GATAD2A: variants seen among roughly 807,000 people sequenced by gnomAD.
The protein encoded by GATAD2A is transcriptional repressor p66-alpha.
GATAD2A carries 12 observed loss-of-function variants against 68.5 expected under a neutral mutation model. The ratio of observed to expected loss-of-function variants is 0.18; its 90% CI spans 0.11 to 0.28. The LOEUF (loss-of-function observed/expected upper bound fraction) is 0.28, where lower values mean the gene tolerates loss of function less well. Ranked by LOEUF, GATAD2A falls within the 10% of genes least tolerant of loss-of-function variation. GATAD2A has a pLI of 1.00. For missense variants in GATAD2A, 755 were observed against 868.5 expected, an observed-to-expected ratio of 0.87 and a Z score of 1.64; for synonymous variants, 410 against 375.3, an observed-to-expected ratio of 1.09 and a Z score of -1.07.
intron 2 of GATAD2A, among the ~76,000 whole-genome samples, chr19:19,489,530 G>A (rs779593882): frequency 1.6e-4 from 25 of 152,234 alleles, no homozygotes; most frequent in Non-Finnish European, 3.4e-4. Context: ...GATGGGTGGT[G>A]ACATCATCTC....
At chr19:19,389,135 C>A (rs963696863) in intron 1 of GATAD2A, among the ~76,000 whole-genome samples, 4 of 151,962 alleles carry the variant, frequency 2.6e-5, no homozygotes, top group African/African-American at 9.7e-5. Context: ...ATCTGCTTTG[C>A]CAAATGCAGA....
At chr19:19,444,598 C>A (rs892985329) in intron 1 of GATAD2A, among the ~76,000 whole-genome samples, 2 of 152,138 alleles carry the variant, frequency 1.3e-5, no homozygotes, top group African/African-American at 4.8e-5. Context: ...GTAAAACCAC[C>A]GTGTATGATG....
At chr19:19,453,176 C>G (rs752027420) in intron 1 of GATAD2A, among the ~76,000 whole-genome samples, 1 of 152,200 alleles carries the variant, frequency 6.6e-6, no homozygotes, top group Non-Finnish European at 1.5e-5. Context: ...TTATGCCCCT[C>G]AGGTCCTTCT....
At chr19:19,444,068 G>C (rs193173041) in intron 1 of GATAD2A, among the ~76,000 whole-genome samples, 226 of 152,244 alleles carry the variant, frequency 1.5e-3, no homozygotes, top group Admixed American at 2.3e-3. Context: ...TGAGGCCCTT[G>C]TGGGTGAATC....
At chr19:19,445,128 G>A (rs2055563158) in intron 1 of GATAD2A, among the ~76,000 whole-genome samples, 1 of 152,098 alleles carries the variant, frequency 6.6e-6, no homozygotes, top group Admixed American at 6.5e-5. Flanking sequence ...GTGTACAGTG[G>A]GCTTGCTGCA....
intron 1 of GATAD2A, among the ~76,000 whole-genome samples, chr19:19,395,104 G>T (rs1225939391): frequency 6.6e-6 from 1 of 152,202 alleles, no homozygotes; most frequent in Non-Finnish European, 1.5e-5. Context: ...GCTCCCTCCT[G>T]ACTTCCTGTT....
intron 1 of GATAD2A, among the ~76,000 whole-genome samples, chr19:19,456,843 C>G (rs2056983607): frequency 6.6e-6 from 1 of 152,226 alleles, no homozygotes; most frequent in Non-Finnish European, 1.5e-5. Context: ...ATGGGGCCTT[C>G]TGATGGCTGA....
At chr19:19,406,473 G>C (rs936804287) in intron 1 of GATAD2A, among the ~76,000 whole-genome samples, 4 of 151,966 alleles carry the variant, frequency 2.6e-5, no homozygotes, top group Non-Finnish European at 5.9e-5. Context: ...GGCGGCGGCG[G>C]CGGCGGATCC....
At chr19:19,390,528 C>G (rs1004287203) in intron 1 of GATAD2A, among the ~76,000 whole-genome samples, 1 of 152,190 alleles carries the variant, frequency 6.6e-6, no homozygotes, top group Admixed American at 6.6e-5. Context: ...GTTCTGATAC[C>G]AGATGTGAGA....
In GATAD2A at chr19:19,421,512, G is replaced by A. The variant is rs1050291053; in HGVS notation, c.-7+15493G>A. Among the ~76,000 whole-genome samples, 7 of 152,298 alleles carry A rather than the reference G, an allele frequency of 4.6e-5. No homozygotes were observed. The South Asian group carries it at 1.2e-3, about 27-fold the overall frequency. ...GGACCCTGACCACACTGAGAGCAGC[G>A]CGCTTCTCTGGGTTGGATGGCTGGG... On this transcript the variant is annotated intron_variant, in intron 1 of 11. Coordinates refer to ENST00000683918, the MANE Select transcript of GATAD2A (RefSeq NM_001384528.1).
intron 2 of GATAD2A, among the ~76,000 whole-genome samples, chr19:19,481,474 G>T (rs974800157): frequency 5.3e-5 from 8 of 152,170 alleles, no homozygotes; most frequent in Non-Finnish European, 1.0e-4. Flanking sequence ...GGGACTACAG[G>T]TGCTTGCCAC....
intron 1 of GATAD2A, among the ~76,000 whole-genome samples, chr19:19,420,873 G>A (rs2052339731): frequency 6.6e-6 from 1 of 152,192 alleles, no homozygotes; most frequent in Non-Finnish European, 1.5e-5. Flanking sequence ...CATGTAACGT[G>A]TTGGCACATT....
chr19:19,415,210 T>C (rs1214720187), intron 1 of GATAD2A, among the ~76,000 whole-genome samples: 1 of 150,934 alleles, frequency 6.6e-6, no homozygotes, highest in East Asian at 2.0e-4. Context: ...TAGAGTGCAA[T>C]GGCATGATCT....
upstream of GATAD2A, chr19:19,402,667 G>A (rs1343912136): frequency 6.8e-6 from 1 of 146,340 alleles, no homozygotes; most frequent in African/African-American, 2.5e-5. Flanking sequence ...CCAGCCTGGT[G>A]ACAGAGCAAG....
chr19:19,461,916 G>A (rs990140986), intron 1 of GATAD2A, among the ~76,000 whole-genome samples: 9 of 151,802 alleles, frequency 5.9e-5, no homozygotes, highest in African/African-American at 2.2e-4. Flanking sequence ...GGCAGCAGCC[G>A]GCAGAGGATC....
chr19:19,414,983 T>C (rs2965185), intron 1 of GATAD2A, among the ~76,000 whole-genome samples: 57,674 of 150,006 alleles, frequency 0.38, 12,939 homozygotes, highest in African/African-American at 0.62. Context: ...TGGCCAAGTG[T>C]AGTGGCTCAG....
At chr19:19,469,806 G>A (rs1032411306) in intron 2 of GATAD2A, among the ~76,000 whole-genome samples, 1 of 152,134 alleles carries the variant, frequency 6.6e-6, no homozygotes, top group Non-Finnish European at 1.5e-5. Context: ...AATTAGCCAG[G>A]CGTGGTGGCA....
chr19:19,490,790 C>A (rs1183861932), intron 2 of GATAD2A, among the ~76,000 whole-genome samples: 1 of 152,132 alleles, frequency 6.6e-6, no homozygotes, highest in Non-Finnish European at 1.5e-5. Context: ...GAGGCTGAGG[C>A]AGGAGAATCA....
chr19:19,432,413 T>A (rs2147460980), intron 1 of GATAD2A, among the ~76,000 whole-genome samples: 1 of 152,348 alleles, frequency 6.6e-6, no homozygotes, highest in Non-Finnish European at 1.5e-5. Context: ...GCGATTCTCC[T>A]GCCTCACCCT....
Sources: gnomAD v4.1 joint callset for allele counts (sites outside exome capture counted in the v4.1 genomes callset) on GRCh38, gnomAD v4.1.1 for gene constraint, MANE v1.5 for transcripts, NCBI Gene and HGNC (gene_info 2026-07-23, HGNC 2026-07-21) for gene names.